PHLDB2: variants seen among roughly 807,000 people sequenced by gnomAD.
PHLDB2 encodes the protein pleckstrin homology-like domain family B member 2.
PHLDB2 carries 71 observed loss-of-function variants against 123.6 expected under a neutral mutation model. That is an observed-to-expected ratio of 0.57 (90% confidence interval 0.47 to 0.70). The LOEUF is 0.70. Ranked by LOEUF, PHLDB2 falls within the 30% of genes least tolerant of loss-of-function variation. The probability of loss-of-function intolerance (pLI) is 0.00; values close to 1 mark genes in which losing one functional copy is unlikely to be tolerated. For synonymous variants in PHLDB2, 547 were observed against 541.6 expected, an observed-to-expected ratio of 1.01 and a Z score of -0.14; for missense variants, 1,446 against 1,519.5, an observed-to-expected ratio of 0.95 and a Z score of 0.80.
chr3:111,789,517 A>G (rs1271060614), intron 1 of PHLDB2, among the ~76,000 whole-genome samples: 1 of 152,250 alleles, frequency 6.6e-6, no homozygotes, highest in African/African-American at 2.4e-5. Context: ...ATGGGAAGCC[A>G]TGTACTATAG....
chr3:111,856,351 G>A (rs1007462156), upstream of PHLDB2, among the ~76,000 whole-genome samples: 2 of 152,124 alleles, frequency 1.3e-5, no homozygotes, highest in Admixed American at 6.5e-5. Flanking sequence ...TCAAGAACAA[G>A]TGCTCAAATT....
chr3:111,732,641 C>T (rs1303271363), exon 1 of PHLDB2: 1 of 1,535,878 alleles, frequency 6.5e-7, no homozygotes, highest in Non-Finnish European at 8.7e-7. Flanking sequence ...CAGCCATGGG[C>T]CATCCCTGCT....
intron 1 of PHLDB2, among the ~76,000 whole-genome samples, chr3:111,765,044 T>C (rs768692757): frequency 1.4e-4 from 22 of 152,206 alleles, no homozygotes; most frequent in Non-Finnish European, 2.1e-4. Context: ...AACATGCCAG[T>C]GCAGTTCCAG....
intron 1 of PHLDB2, among the ~76,000 whole-genome samples, chr3:111,768,408 T>C (rs758286268): frequency 6.6e-6 from 1 of 152,184 alleles, no homozygotes; most frequent in Non-Finnish European, 1.5e-5. Context: ...CAGACTACTA[T>C]TATGATGGGT....
rs1423151991 is a variant in PHLDB2 at position 111,834,032 on chromosome 3, A to T, written c.-48-11789A>T. On this transcript the variant is annotated intron_variant, in intron 1 of 17. Coordinates refer to the PHLDB2 transcript ENST00000393923. ...TATATGTAATAGAATTATATATATAATATATGTAATAGAATTATATATAAT... is the reference window on the plus strand; with the variant it reads ...TATATGTAATAGAATTATATATATATTATATGTAATAGAATTATATATAAT... Among the ~76,000 whole-genome samples, 2 of 109,764 alleles carry T rather than the reference A, an allele frequency of 1.8e-5. 1 individual carries two copies. Among genetic ancestry groups the T allele is most frequent in the African/African-American group, 8.2e-5 (2 of 24,260 alleles). 72.0% of individuals were successfully genotyped at this position (109,764 alleles called of 152,430 possible).
chr3:111,921,505 T>G (rs2068497575), intron 5 of PHLDB2, among the ~76,000 whole-genome samples: 1 of 152,074 alleles, frequency 6.6e-6, no homozygotes, highest in African/African-American at 2.4e-5. Flanking sequence ...TAAAGTCAAA[T>G]TAAATGCTAC....
At chr3:111,916,051 C>T (rs1408222675) in intron 3 of PHLDB2, 1 of 152,200 alleles carries the variant, frequency 6.6e-6, no homozygotes, top group Non-Finnish European at 1.5e-5. Context: ...TGTGTGCTGT[C>T]TCTAAAGACT....
intron 16 of PHLDB2, among the ~76,000 whole-genome samples, chr3:111,972,680 T>G (rs1275933528): frequency 1.3e-5 from 2 of 151,938 alleles, no homozygotes; most frequent in African/African-American, 4.8e-5. Flanking sequence ...TTTCAAGGGT[T>G]TTTTCCTTAG....
intron 1 of PHLDB2, among the ~76,000 whole-genome samples, chr3:111,831,000 A>AGAAG (rs2108479596): frequency 2.2e-5 from 2 of 90,628 alleles, no homozygotes; most frequent in South Asian, 7.5e-4. Flanking sequence ...AAAGAAAGAA[A>AGAAG]GAAAGAAAGA....
At chr3:111,891,917 T>G (rs1330411354) in intron 2 of PHLDB2, among the ~76,000 whole-genome samples, 1 of 152,154 alleles carries the variant, frequency 6.6e-6, no homozygotes, top group Admixed American at 6.6e-5. Context: ...GAGTATTCAT[T>G]TGGTTACGTT....
chr3:111,742,888 A>C (rs1477147802), intron 1 of PHLDB2, among the ~76,000 whole-genome samples: 1 of 152,216 alleles, frequency 6.6e-6, no homozygotes. Flanking sequence ...TTGCTAAGGG[A>C]TATAGATTCA....
intron 1 of PHLDB2, among the ~76,000 whole-genome samples, chr3:111,761,490 A>G (rs753380018): frequency 2.0e-5 from 3 of 152,218 alleles, no homozygotes; most frequent in Non-Finnish European, 4.4e-5. Context: ...CCTTCATCCT[A>G]AAAAGGCAGA....
At chr3:111,793,049 C>T (rs1235408151) in intron 1 of PHLDB2, among the ~76,000 whole-genome samples, 1 of 152,164 alleles carries the variant, frequency 6.6e-6, no homozygotes, top group African/African-American at 2.4e-5. Flanking sequence ...TAGGATGTTC[C>T]CTCAAAGCCC....
chr3:111,790,676 G>T (rs2060881491), intron 1 of PHLDB2, among the ~76,000 whole-genome samples: 1 of 152,108 alleles, frequency 6.6e-6, no homozygotes, highest in African/African-American at 2.4e-5. Context: ...GCCTCTTTAG[G>T]ATACTCTGGA....
rs773538753 is a variant in PHLDB2 at position 111,787,623 on chromosome 3, G to A, written c.-49+54920G>A. ...ATGGTTGGTAGCTTGGGCTACTCTA[G>A]GCTTTCTCTTCTGTGTTCTCTGGGG... On this transcript the variant is annotated intron_variant, in intron 1 of 17. Coordinates refer to the PHLDB2 transcript ENST00000393923. Among the ~76,000 whole-genome samples, 11 of 152,150 alleles carry A rather than the reference G, an allele frequency of 7.2e-5. No homozygotes were observed. In the East Asian group the frequency reaches 1.9e-3, roughly 27 times the overall value.
At chr3:111,937,405 C>T (rs2069562670) in intron 6 of PHLDB2, among the ~76,000 whole-genome samples, 1 of 152,116 alleles carries the variant, frequency 6.6e-6, no homozygotes, top group Admixed American at 6.5e-5. Flanking sequence ...GTTATGTTAG[C>T]TATGTAGAGC....
At chr3:111,886,779 C>A (rs1042129201) in intron 2 of PHLDB2, among the ~76,000 whole-genome samples, 1 of 152,174 alleles carries the variant, frequency 6.6e-6, no homozygotes, top group Admixed American at 6.5e-5. Context: ...CTCAGTATGA[C>A]TTTCCTCTTT....
intron 2 of PHLDB2, among the ~76,000 whole-genome samples, chr3:111,905,962 A>T (rs1342896006): frequency 6.6e-6 from 1 of 152,176 alleles, no homozygotes; most frequent in Non-Finnish European, 1.5e-5. Context: ...GTGTGCAGAT[A>T]TTTTATTTTG....
chr3:111,804,632 T>A (rs981037144), intron 1 of PHLDB2, among the ~76,000 whole-genome samples: 1 of 152,260 alleles, frequency 6.6e-6, no homozygotes, highest in Non-Finnish European at 1.5e-5. Flanking sequence ...AGGTTTCTAC[T>A]TTACTCCATG....
Sources: allele counts gnomAD v4.1 joint callset (sites outside exome capture counted in the v4.1 genomes callset), GRCh38; gene constraint gnomAD v4.1.1; transcripts MANE v1.5; gene names NCBI Gene and HGNC (gene_info 2026-07-23, HGNC 2026-07-21).